Variants in SEC63 observed in about 807,000 individuals in gnomAD.
The protein encoded by SEC63 is SEC63 protein translocation regulator.
Under a neutral mutation model 116.2 loss-of-function variants are expected in SEC63, and 56 were observed. That is an observed-to-expected ratio of 0.48 (90% CI 0.39 to 0.60). SEC63 has a LOEUF of 0.60. Ranked by LOEUF, SEC63 falls within the 20% of genes least tolerant of loss-of-function variation. The pLI is 0.00. For synonymous variants in SEC63, 273 were observed against 294.6 expected, an observed-to-expected ratio of 0.93 and a Z score of 0.75; for missense variants, 668 against 900.0, an observed-to-expected ratio of 0.74 and a Z score of 3.30.
chr6:107,887,671 C>T (rs1435376835), intron 16 of SEC63, among the ~76,000 whole-genome samples: 3 of 151,748 alleles, frequency 2.0e-5, no homozygotes, highest in South Asian at 2.1e-4. Context: ...GTGGGTGCAG[C>T]GCACCAGCAT....
chr6:107,913,469 T>G, intron 4 of SEC63, 42 bp from the exon 5 acceptor site: 1 of 1,441,130 alleles, frequency 6.9e-7, no homozygotes, highest in Non-Finnish European at 9.8e-7. Flanking sequence ...GAAAGCCACA[T>G]CTGAAAAACA....
chr6:107,924,767 A>G (rs369880149), intron 3 of SEC63, 51 bp downstream of exon 3: 1 of 873,380 alleles, frequency 1.1e-6, no homozygotes, highest in Admixed American at 1.7e-5. Flanking sequence ...GACCTATAGC[A>G]TTTTCATGGG....
At chr6:107,885,820 G>C (rs1263670722) in intron 16 of SEC63, among the ~76,000 whole-genome samples, 4 of 151,886 alleles carry the variant, frequency 2.6e-5, no homozygotes, top group Non-Finnish European at 5.9e-5. Context: ...TCAATAGAAT[G>C]AACTAGAGTC....
intron 12 of SEC63, 139 bp downstream of exon 12, chr6:107,902,705 G>T: frequency 1.2e-6 from 1 of 804,980 alleles, no homozygotes; most frequent in Non-Finnish European, 2.1e-6. Flanking sequence ...AGAACCACCT[G>T]AGAGAAAGTT....
intron 4 of SEC63, 96 bp downstream of exon 4, chr6:107,921,701 C>T (rs1325347839): frequency 1.2e-6 from 1 of 826,352 alleles, no homozygotes; most frequent in Non-Finnish European, 2.1e-6. Context: ...ATCCTCCTGC[C>T]TCAGCCTCCC....
Position 107,897,743 on chromosome 6 carries a change from G to T in SEC63, c.1358-12C>A. 1 of 1,560,458 alleles carries T rather than the reference G, an allele frequency of 6.4e-7. No individual in the cohort carries two copies. Among genetic ancestry groups the T allele is most frequent in the Non-Finnish European group, 8.8e-7 (1 of 1,132,168 alleles). ...TTCATCATCTAACACTGTTAAGATGGAAGAAAAAAAACAGCAAAAAATAAA... is the reference window on the plus strand; with the variant it reads ...TTCATCATCTAACACTGTTAAGATGTAAGAAAAAAAACAGCAAAAAATAAA... On this transcript the variant is annotated splice_polypyrimidine_tract_variant and intron_variant, in intron 13 of 20. Coordinates refer to ENST00000369002, the MANE Select transcript of SEC63 (RefSeq NM_007214.5).
chr6:107,931,213 G>A (rs1439145115), intron 1 of SEC63, among the ~76,000 whole-genome samples: 7 of 150,384 alleles, frequency 4.7e-5, no homozygotes, highest in South Asian at 2.1e-4. Flanking sequence ...GTGGTGGCGC[G>A]TGCCTGTAAT....
At chr6:107,897,790 A>G (rs886351647) in intron 13 of SEC63, 59 bp from the exon 14 acceptor site, 1 of 1,120,388 alleles carries the variant, frequency 8.9e-7, no homozygotes, top group Non-Finnish European at 1.4e-6. Flanking sequence ...ATGTTAATGC[A>G]AACAGCAAAA....
chr6:107,882,973 A>G lies in SEC63; in HGVS notation c.1833+15T>C. ...AATTCCAATTATTTAAATTATTTAA[A>G]CCTATAAGGCTTACTGCTTCATCAT... On this transcript the variant is annotated intron_variant, in intron 17 of 20. Transcript: ENST00000369002. 1 of 1,492,368 alleles carries G rather than the reference A, an allele frequency of 6.7e-7. No homozygotes were observed. Among genetic ancestry groups the G allele is most frequent in the Admixed American group, 1.7e-5 (1 of 59,810 alleles). The allele number at this position is 1,492,368 out of a possible 1,614,324, so 92.4% of individuals were successfully genotyped here. A position where few individuals can be genotyped will look rare whatever the true frequency, so the allele number is the denominator to read the frequency against.
chr6:107,879,982 T>A (rs899475738), intron 18 of SEC63, among the ~76,000 whole-genome samples: 1 of 152,190 alleles, frequency 6.6e-6, no homozygotes, highest in Admixed American at 6.5e-5. Context: ...GGGTACACAC[T>A]AGGCAGCTTT....
intron 20 of SEC63, 138 bp from the exon 21 acceptor site, chr6:107,871,985 C>T (rs1477304374): frequency 2.4e-6 from 2 of 819,756 alleles, no homozygotes; most frequent in Admixed American, 2.1e-5. Flanking sequence ...AAATTCAACT[C>T]ATTCATTTAG....
At chr6:107,909,990 C>CA (rs532166231) in intron 7 of SEC63, among the ~76,000 whole-genome samples, 421 of 151,388 alleles carry the variant, frequency 2.8e-3, no homozygotes, top group Admixed American at 5.5e-3. Context: ...TTATATTAAG[C>CA]AAAAAAACAG....
rs1465077678 is a variant in SEC63, at chr6:107,870,944, A to C, written c.*760T>G. On this transcript the variant is annotated 3_prime_UTR_variant, in exon 21 of 21. Transcript: ENST00000369002. ...TTTTTTAAAAAAGGTTTAATAACAT[A>C]AGCCACCAGTATCAGAAAACATACA... is the stretch of plus-strand genomic sequence containing the variant. The C allele has an allele frequency of 1.3e-5, 2 of 152,644 alleles. No individual in the cohort carries two copies. Among genetic ancestry groups the C allele is most frequent in the Non-Finnish European group, 2.9e-5 (2 of 68,038 alleles). The allele number at this position is 152,644 out of a possible 1,614,324, so 9.5% of individuals were successfully genotyped here.
chr6:107,869,719 C>T lies in SEC63; in HGVS notation c.*1985G>A, dbSNP rs1182790399. 6.6e-6 allele frequency: 1 copy of T among 150,848 alleles called. No homozygotes were observed. Among genetic ancestry groups the T allele is most frequent in the Admixed American group, 6.6e-5 (1 of 15,140 alleles). 9.3% of individuals were successfully genotyped at this position (150,848 alleles called of 1,614,324 possible). On this transcript the variant is annotated 3_prime_UTR_variant, in exon 21 of 21. Transcript: ENST00000369002. ...TTTACTTAGTTGGGAAGTACATACA[C>T]ATCACACAAAGAGAAAAGGAAAACA... is the stretch of plus-strand genomic sequence containing the variant.
At chr6:107,875,900 G>A (rs372554825) in intron 19 of SEC63, among the ~76,000 whole-genome samples, 1 of 151,856 alleles carries the variant, frequency 6.6e-6, no homozygotes, top group East Asian at 1.9e-4. Flanking sequence ...CCATCAATTC[G>A]ACCTCTATAA....
rs1787280328 is a variant in SEC63 at position 107,911,390 on chromosome 6, G to A, written c.580C>T (p.Leu194Phe). 6.2e-7 allele frequency: 1 copy of A among 1,602,536 alleles called. No individual in the cohort carries two copies. Among genetic ancestry groups the A allele is most frequent in the African/African-American group, 1.3e-5 (1 of 74,686 alleles). ...VDQKNSILVL[L>F]VYGLAFMVIL... Reference sequence around the variant, plus strand: ...ACCATAAATGCCAATCCATATACAAGTAAAACCTAAAATTGAAGAGAAAAA... The same window carrying A: ...ACCATAAATGCCAATCCATATACAAATAAAACCTAAAATTGAAGAGAAAAA... Residue 194 changes from leucine to phenylalanine, a missense_variant, in exon 7 of 21, where the codon CTT (leucine) becomes TTT (phenylalanine). Around this residue, in one of 5 missense-constraint regions of SEC63, gnomAD observed 430 missense variants for 557.5 expected, o/e 0.77. Transcript: ENST00000369002.
intron 13 of SEC63, among the ~76,000 whole-genome samples, chr6:107,900,613 A>G (rs578184498): frequency 2.2e-4 from 33 of 152,310 alleles, no homozygotes; most frequent in Admixed American, 6.5e-4. Context: ...GCACCACTGC[A>G]CTCCAGCCTG....
chr6:107,949,329 T>C (rs1402560048), intron 1 of SEC63, among the ~76,000 whole-genome samples: 2 of 151,994 alleles, frequency 1.3e-5, no homozygotes, highest in African/African-American at 4.8e-5. Flanking sequence ...ACACAAAAAG[T>C]AACTACAGAA....
At chr6:107,919,024 C>A (rs1237143477) in intron 4 of SEC63, among the ~76,000 whole-genome samples, 2 of 151,416 alleles carry the variant, frequency 1.3e-5, no homozygotes, top group Non-Finnish European at 2.9e-5. Flanking sequence ...GAGTCTCCTG[C>A]CTCAGCCTCT....
Sources: allele counts gnomAD v4.1 joint callset (sites outside exome capture counted in the v4.1 genomes callset), GRCh38; gene constraint gnomAD v4.1.1; regional missense constraint gnomAD v4.1.1; transcripts MANE v1.5; gene names NCBI Gene and HGNC (gene_info 2026-07-23, HGNC 2026-07-21).